CACNA2D3: variants seen among roughly 807,000 people sequenced by gnomAD.
The protein encoded by CACNA2D3 is voltage-dependent calcium channel subunit alpha-2/delta-3.
In CACNA2D3, 60 loss-of-function variants were observed where a neutral mutation model predicts 160.6. The ratio of observed to expected loss-of-function variants is 0.37; its 90% confidence interval spans 0.30 to 0.46. The LOEUF (loss-of-function observed/expected upper bound fraction) is 0.46, where lower values mean the gene tolerates loss of function less well. Among genes scored for constraint, CACNA2D3 ranks in the 20% least tolerant of loss-of-function variants. CACNA2D3 has a pLI of 1.00. For missense variants in CACNA2D3, 1,205 were observed against 1,365.0 expected (o/e 0.88, Z 1.85); for synonymous variants, 558 against 492.9 (o/e 1.13, Z -1.75).
At chr3:54,588,186 A>G (rs1408212528) in intron 9 of CACNA2D3, among the ~76,000 whole-genome samples, 3 of 152,232 alleles carry the variant, frequency 2.0e-5, no homozygotes, top group Non-Finnish European at 4.4e-5. Context: ...GTAATCTACT[A>G]TATCAACAAG....
intron 2 of CACNA2D3, among the ~76,000 whole-genome samples, chr3:54,248,974 G>C (rs996957367): frequency 6.6e-6 from 1 of 152,166 alleles, no homozygotes; most frequent in African/African-American, 2.4e-5. Context: ...GAATATGTAC[G>C]TGTGCAAGGC....
intron 35 of CACNA2D3, among the ~76,000 whole-genome samples, chr3:55,025,015 A>G (rs1045413415): frequency 1.3e-5 from 2 of 152,182 alleles, no homozygotes; most frequent in Non-Finnish European, 2.9e-5. Flanking sequence ...CATAACTACA[A>G]ACTCTATGAG....
intron 9 of CACNA2D3, among the ~76,000 whole-genome samples, chr3:54,608,097 C>A (rs1698673638): frequency 6.6e-6 from 1 of 152,096 alleles, no homozygotes; most frequent in Non-Finnish European, 1.5e-5. Context: ...GGTTGTGACA[C>A]AAGTCTATTC....
chr3:54,189,586 C>G (rs73085954), intron 2 of CACNA2D3, among the ~76,000 whole-genome samples: 1 of 152,000 alleles, frequency 6.6e-6, no homozygotes, highest in Admixed American at 6.6e-5. Flanking sequence ...GTGGAACAGA[C>G]TGGCAAGCTG....
chr3:54,200,824 A>G (rs1385375753), intron 2 of CACNA2D3, among the ~76,000 whole-genome samples: 2 of 152,120 alleles, frequency 1.3e-5, no homozygotes, highest in East Asian at 1.9e-4. Flanking sequence ...CTGTTTCCCT[A>G]TTTTCTAAAC....
chr3:54,441,637 G>T (rs1700146494), intron 4 of CACNA2D3, among the ~76,000 whole-genome samples: 1 of 152,162 alleles, frequency 6.6e-6, no homozygotes, highest in Non-Finnish European at 1.5e-5. Context: ...ATTTAAAAAT[G>T]TCTTTAATCC....
At chr3:54,859,972 G>GCGCGCACACA (rs535185040) in intron 17 of CACNA2D3, among the ~76,000 whole-genome samples, 4,036 of 133,812 alleles carry the variant, frequency 0.03, 91 homozygotes, top group East Asian at 0.092. Context: ...GAAAGTAGAT[G>GCGCGCACACA]CACACACACA....
At chr3:54,807,875 A>G (rs542692939) in intron 13 of CACNA2D3, among the ~76,000 whole-genome samples, 3,466 of 150,388 alleles carry the variant, frequency 0.023, 129 homozygotes, top group African/African-American at 0.078. Context: ...CTATGCAGCC[A>G]TAAAAAATGA....
chr3:54,921,438 T>A (rs1057299845), intron 27 of CACNA2D3, among the ~76,000 whole-genome samples: 3 of 152,152 alleles, frequency 2.0e-5, no homozygotes, highest in African/African-American at 7.2e-5. Context: ...TGTTTACTAG[T>A]AAATAGAGAG....
At chr3:54,342,219 A>G (rs188482816) in intron 3 of CACNA2D3, among the ~76,000 whole-genome samples, 3 of 152,318 alleles carry the variant, frequency 2.0e-5, no homozygotes, top group East Asian at 3.9e-4. Context: ...GTAGAATACC[A>G]TAGGCCACTT....
At chr3:54,909,943 A>G (rs1355692170) in intron 27 of CACNA2D3, among the ~76,000 whole-genome samples, 4 of 152,210 alleles carry the variant, frequency 2.6e-5, no homozygotes, top group Non-Finnish European at 5.9e-5. Flanking sequence ...CTGAAAGTCC[A>G]GTACATGGAC....
At chr3:55,061,934 G>T (rs1419156627) in intron 35 of CACNA2D3, among the ~76,000 whole-genome samples, 4 of 152,026 alleles carry the variant, frequency 2.6e-5, no homozygotes, top group Admixed American at 2.6e-4. Flanking sequence ...AGGGAGATTG[G>T]ATATCAAAGA....
At chr3:54,147,720 G>C (rs1458218830) in intron 2 of CACNA2D3, among the ~76,000 whole-genome samples, 1 of 152,224 alleles carries the variant, frequency 6.6e-6, no homozygotes, top group African/African-American at 2.4e-5. Context: ...CTGTATTACT[G>C]TTTGCTTTTA....
At chr3:54,238,390 T>C (rs1014873655) in intron 2 of CACNA2D3, among the ~76,000 whole-genome samples, 2 of 152,202 alleles carry the variant, frequency 1.3e-5, no homozygotes, top group Non-Finnish European at 2.9e-5. Context: ...ACCTCAGTGA[T>C]TGTGCAAAAA....
chr3:54,687,226 C>T (rs558852554), intron 11 of CACNA2D3, among the ~76,000 whole-genome samples: 4 of 149,456 alleles, frequency 2.7e-5, no homozygotes, highest in South Asian at 2.1e-4. Flanking sequence ...CTGCAGCCTC[C>T]GCCTCCCAGG....
intron 4 of CACNA2D3, among the ~76,000 whole-genome samples, chr3:54,480,254 G>A (rs969815289): frequency 2.0e-5 from 3 of 152,076 alleles, no homozygotes; most frequent in African/African-American, 7.2e-5. Flanking sequence ...TCAAATAATT[G>A]CACTGAAATC....
intron 34 of CACNA2D3, among the ~76,000 whole-genome samples, chr3:55,015,908 G>A (rs531023005): frequency 6.6e-6 from 1 of 152,198 alleles, no homozygotes; most frequent in Non-Finnish European, 1.5e-5. Flanking sequence ...TGCCTCTTCT[G>A]TGTTGTTACT....
intron 3 of CACNA2D3, among the ~76,000 whole-genome samples, chr3:54,373,854 A>G (rs1196227268): frequency 6.6e-6 from 1 of 151,984 alleles, no homozygotes; most frequent in African/African-American, 2.4e-5. Flanking sequence ...TTCACCTTGC[A>G]TTTTCTTCCT....
chr3:54,956,769 G>A (rs1023530718), intron 27 of CACNA2D3, among the ~76,000 whole-genome samples: 1 of 152,124 alleles, frequency 6.6e-6, no homozygotes, highest in Non-Finnish European at 1.5e-5. Flanking sequence ...ATATTTAGAT[G>A]CATTAATTGG....
Sources: allele counts gnomAD v4.1 joint callset (sites outside exome capture counted in the v4.1 genomes callset), GRCh38; gene constraint gnomAD v4.1.1; transcripts MANE v1.5; gene names NCBI Gene and HGNC (gene_info 2026-07-23, HGNC 2026-07-21).